The following LYPLAL1 variants were observed in gnomAD, a reference collection of about 807,000 sequenced individuals.
LYPLAL1 encodes lysophospholipase-like protein 1.
A neutral mutation model predicts 19.7 loss-of-function variants in LYPLAL1; 23 were observed. The ratio of observed to expected loss-of-function variants is 1.17; its 90% CI spans 0.84 to 1.65. The LOEUF is 1.65. Among genes scored for constraint, LYPLAL1 ranks in the 40% most tolerant of loss-of-function variants. The pLI is 0.00. For missense variants in LYPLAL1, 355 were observed against 279.4 expected (o/e 1.27, Z -1.93); for synonymous variants, 119 against 96.3 (o/e 1.24, Z -1.38).
intron 4 of LYPLAL1, among the ~76,000 whole-genome samples, chr1:219,211,217 A>G (rs1248432702): frequency 5.3e-5 from 8 of 152,058 alleles, no homozygotes; most frequent in African/African-American, 1.9e-4. Flanking sequence ...CAAGTCACTT[A>G]GTTTCTTTAG....
At chr1:219,305,222 A>G in the LYPLAL1 span, among the ~76,000 whole-genome samples, 1 of 152,152 alleles carries the variant, frequency 6.6e-6, no homozygotes. Context: ...GAAAAATGTT[A>G]GACTATCTGG....
chr1:219,423,483 A>T, the LYPLAL1 span, among the ~76,000 whole-genome samples: 1 of 152,184 alleles, frequency 6.6e-6, no homozygotes, highest in African/African-American at 2.4e-5. Context: ...ACATAAATGA[A>T]TTTTTGAGTG....
At chr1:219,438,193 T>C in the LYPLAL1 span, among the ~76,000 whole-genome samples, 1,080 of 152,290 alleles carry the variant, frequency 7.1e-3, 15 homozygotes, top group African/African-American at 0.023. Context: ...TATTTAGATA[T>C]CATCAGCACT....
At chr1:219,199,802 A>G (rs1657936457) in intron 3 of LYPLAL1, 2 of 158,506 alleles carry the variant, frequency 1.3e-5, no homozygotes, top group Admixed American at 6.4e-5. Context: ...TTTTGTGGAG[A>G]CGGGATTTCA....
At chr1:219,258,859 A>G in the LYPLAL1 span, among the ~76,000 whole-genome samples, 1 of 152,136 alleles carries the variant, frequency 6.6e-6, no homozygotes, top group Non-Finnish European at 1.5e-5. Flanking sequence ...GAAAATATTC[A>G]TAAACTATGT....
chr1:219,276,938 A>T, the LYPLAL1 span, among the ~76,000 whole-genome samples: 1 of 152,142 alleles, frequency 6.6e-6, no homozygotes, highest in African/African-American at 2.4e-5. Flanking sequence ...TCACATCAAG[A>T]CTAAGTTGCA....
Position 219,182,895 on chromosome 1 carries a change from G to A in LYPLAL1, c.191+3649G>A, listed in dbSNP as rs1452248540. Among the ~76,000 whole-genome samples, 3 of 151,972 alleles carry A rather than the reference G, an allele frequency of 2.0e-5. No individual in the cohort carries two copies. The South Asian group carries it at 6.2e-4, about 32-fold the overall frequency. On this transcript the variant is annotated intron_variant, in intron 2 of 4. Coordinates refer to ENST00000366928, the MANE Select transcript of LYPLAL1 (RefSeq NM_138794.5). ...TGTCCTAGAATGTATCTAATCTCTT[G>A]TTACATGGAAGTGATGCTTACTATT... is the stretch of plus-strand genomic sequence containing the variant.
chr1:219,409,415 T>G, the LYPLAL1 span: 3 of 129,160 alleles, frequency 2.3e-5, no homozygotes, highest in African/African-American at 8.6e-5. Flanking sequence ...GCCATTGCAC[T>G]CCAGCCTGGG....
At chr1:219,402,459 C>T in the LYPLAL1 span, among the ~76,000 whole-genome samples, 2 of 152,114 alleles carry the variant, frequency 1.3e-5, no homozygotes, top group East Asian at 1.9e-4. Context: ...AAGTGCATTT[C>T]CCCCTAAGAT....
chr1:219,258,621 C>T, the LYPLAL1 span, among the ~76,000 whole-genome samples: 1 of 152,016 alleles, frequency 6.6e-6, no homozygotes, highest in African/African-American at 2.4e-5. Flanking sequence ...AGTCCATTTA[C>T]ATTATGTCAT....
At position 219,210,239 on chromosome 1, in the gene LYPLAL1, G is replaced by C. The variant is rs1001802083; in HGVS notation, c.362-293G>C. 6.2e-5 allele frequency: 11 copies of C among 177,498 alleles called. No homozygotes were observed. The South Asian group carries it at 6.8e-4, about 11-fold the overall frequency. 11.0% of individuals were successfully genotyped at this position (177,498 alleles called of 1,614,324 possible). On this transcript the variant is annotated intron_variant, in intron 3 of 4. Transcript: ENST00000366928. The stretch of plus-strand genomic sequence containing the variant: ...AATATTGAGAATTTAAGTAATGCTT[G>C]TAATATGACTCATTTTGAATTACGA...
the LYPLAL1 span, among the ~76,000 whole-genome samples, chr1:219,356,495 G>A: frequency 5.9e-5 from 9 of 152,090 alleles, no homozygotes; most frequent in Admixed American, 2.6e-4. Context: ...GTGATATGCC[G>A]TCTCAACAAC....
At chr1:219,398,712 A>G in the LYPLAL1 span, among the ~76,000 whole-genome samples, 1 of 152,110 alleles carries the variant, frequency 6.6e-6, no homozygotes, top group African/African-American at 2.4e-5. Flanking sequence ...GAAGTTGTTA[A>G]CCTTTGAATT....
At chr1:219,245,721 T>C in the LYPLAL1 span, among the ~76,000 whole-genome samples, 2 of 152,250 alleles carry the variant, frequency 1.3e-5, no homozygotes, top group Admixed American at 6.5e-5. Flanking sequence ...ATTTTATGCT[T>C]TATCTCTGGT....
intron 2 of LYPLAL1, among the ~76,000 whole-genome samples, chr1:219,183,214 A>T (rs1321041292): frequency 6.6e-6 from 1 of 152,024 alleles, no homozygotes; most frequent in Non-Finnish European, 1.5e-5. Flanking sequence ...TTATGTGCTT[A>T]TTGAGCATTT....
At chr1:219,207,790 A>G (rs1269977824) in intron 3 of LYPLAL1, among the ~76,000 whole-genome samples, 1 of 152,078 alleles carries the variant, frequency 6.6e-6, no homozygotes, top group African/African-American at 2.4e-5. Flanking sequence ...GATCCATTTA[A>G]TAAATTCTAT....
the LYPLAL1 span, among the ~76,000 whole-genome samples, chr1:219,336,078 G>A: frequency 1.3e-5 from 2 of 150,858 alleles, no homozygotes; most frequent in South Asian, 2.1e-4. Context: ...TGACAACATT[G>A]CTCACAAACA....
At chr1:219,274,040 G>A in the LYPLAL1 span, among the ~76,000 whole-genome samples, 6 of 152,100 alleles carry the variant, frequency 3.9e-5, no homozygotes, top group African/African-American at 7.2e-5. Context: ...GATCACAGGC[G>A]TGAACCACCA....
chr1:219,310,394 C>T, the LYPLAL1 span, among the ~76,000 whole-genome samples: 6 of 152,180 alleles, frequency 3.9e-5, no homozygotes, highest in Admixed American at 6.5e-5. Context: ...CTCACAAGAG[C>T]CCAGATTGGA....
Sources: allele counts gnomAD v4.1 joint callset (sites outside exome capture counted in the v4.1 genomes callset), GRCh38; gene constraint gnomAD v4.1.1; transcripts MANE v1.5; gene names NCBI Gene and HGNC (gene_info 2026-07-23, HGNC 2026-07-21).